Variants in UST observed in about 807,000 individuals in gnomAD.
The protein encoded by UST is uronyl 2-sulfotransferase, also known as chondroitin sulfate 2-O-sulfotransferase.
UST carries 21 observed loss-of-function variants against 45.6 expected under a neutral mutation model. The observed-to-expected ratio is 0.46, with a 90% CI of 0.33 to 0.66. The LOEUF (loss-of-function observed/expected upper bound fraction) is 0.66. Ranked by LOEUF, UST falls within the 30% of genes least tolerant of loss-of-function variation. UST has a pLI of 0.02. For missense variants in UST, 463 were observed against 512.4 expected (o/e 0.90, Z 0.93); for synonymous variants, 215 against 200.6 (o/e 1.07, Z -0.61).
At chr6:148,771,749 T>C (rs1273106734) in intron 1 of UST, among the ~76,000 whole-genome samples, 2 of 152,236 alleles carry the variant, frequency 1.3e-5, no homozygotes, top group Non-Finnish European at 2.9e-5. Flanking sequence ...GGATGATATA[T>C]GTTTACTAAG....
chr6:148,806,496 CT>C (rs10660534), intron 1 of UST, among the ~76,000 whole-genome samples: 68 of 147,480 alleles, frequency 4.6e-4, no homozygotes, highest in African/African-American at 7.7e-4. Context: ...ACACCACTGG[CT>C]TTTTTTTTTT....
At chr6:148,914,468 A>G (rs1421454655) in intron 2 of UST, among the ~76,000 whole-genome samples, 1 of 152,190 alleles carries the variant, frequency 6.6e-6, no homozygotes, top group African/African-American at 2.4e-5. Flanking sequence ...AGATTCTCAC[A>G]GGGAACGTGC....
intron 2 of UST, among the ~76,000 whole-genome samples, chr6:148,898,410 A>T (rs1465661560): frequency 6.6e-6 from 1 of 152,172 alleles, no homozygotes; most frequent in Non-Finnish European, 1.5e-5. Context: ...AACCTTACAT[A>T]ATAGGGTTAT....
At chr6:148,912,732 A>C (rs974651096) in intron 2 of UST, among the ~76,000 whole-genome samples, 2 of 152,204 alleles carry the variant, frequency 1.3e-5, no homozygotes, top group Middle Eastern at 3.2e-3. Flanking sequence ...CTTGTGATGA[A>C]ACGCCCTCTG....
At chr6:149,011,940 A>G (rs1582958723) in intron 5 of UST, among the ~76,000 whole-genome samples, 2 of 152,244 alleles carry the variant, frequency 1.3e-5, no homozygotes, top group East Asian at 3.9e-4. Flanking sequence ...AGTTGGCATT[A>G]TGTCTCACTT....
intron 2 of UST, among the ~76,000 whole-genome samples, chr6:148,937,671 C>T (rs1244726440): frequency 6.6e-6 from 1 of 152,182 alleles, no homozygotes; most frequent in African/African-American, 2.4e-5. Context: ...GGCACCTGTA[C>T]TCTTGTAATA....
At chr6:148,873,032 T>C (rs1778588141) in intron 1 of UST, among the ~76,000 whole-genome samples, 1 of 152,200 alleles carries the variant, frequency 6.6e-6, no homozygotes, top group South Asian at 2.1e-4. Context: ...GTTCAGCTTA[T>C]CGCAACCACC....
chr6:148,895,820 T>C (rs1965933), intron 2 of UST, among the ~76,000 whole-genome samples: 10,673 of 152,318 alleles, frequency 0.07, 449 homozygotes, highest in Middle Eastern at 0.12. Context: ...CTTTCTTTTG[T>C]AAATTACCCA....
intron 1 of UST, among the ~76,000 whole-genome samples, chr6:148,779,155 C>T (rs1562254799): frequency 6.6e-6 from 1 of 151,658 alleles, no homozygotes; most frequent in Non-Finnish European, 1.5e-5. Context: ...CTCAAGCCTC[C>T]TGGAAAATTC....
At chr6:148,751,903 A>G (rs1373652068) in intron 1 of UST, among the ~76,000 whole-genome samples, 1 of 152,250 alleles carries the variant, frequency 6.6e-6, no homozygotes, top group African/African-American at 2.4e-5. Context: ...AGACTCATTG[A>G]TATAAACAGA....
At chr6:148,852,079 A>G (rs1294588241) in intron 1 of UST, among the ~76,000 whole-genome samples, 3 of 152,230 alleles carry the variant, frequency 2.0e-5, no homozygotes, top group South Asian at 2.1e-4. Flanking sequence ...CAAACCAGCA[A>G]TCATGCTCTT....
chr6:148,920,903 C>CACA (rs1439531925), intron 2 of UST, among the ~76,000 whole-genome samples: 1 of 152,168 alleles, frequency 6.6e-6, no homozygotes, highest in Non-Finnish European at 1.5e-5. Context: ...GTACCCTGAC[C>CACA]GTGTTCCCAT....
chr6:148,783,052 A>G (rs1776673001), intron 1 of UST, among the ~76,000 whole-genome samples: 1 of 152,212 alleles, frequency 6.6e-6, no homozygotes, highest in Admixed American at 6.5e-5. Flanking sequence ...TAGCCACCGC[A>G]AGCTTTAGCA....
chr6:148,942,533 G>A (rs941298758), intron 3 of UST, among the ~76,000 whole-genome samples: 1 of 152,100 alleles, frequency 6.6e-6, no homozygotes, highest in African/African-American at 2.4e-5. Flanking sequence ...ACTCCAGCCT[G>A]GAGACAGAGC....
chr6:148,860,085 C>G (rs1040903501), intron 1 of UST, among the ~76,000 whole-genome samples: 2 of 152,192 alleles, frequency 1.3e-5, no homozygotes, highest in Admixed American at 6.5e-5. Flanking sequence ...TTACCTTGGG[C>G]AGTATGGCCA....
intron 1 of UST, among the ~76,000 whole-genome samples, chr6:148,876,153 A>G (rs1778646973): frequency 1.3e-5 from 2 of 152,112 alleles, no homozygotes; most frequent in African/African-American, 4.8e-5. Flanking sequence ...GCAGAAGGCG[A>G]AGGGAGAGCA....
At chr6:148,985,974 A>G (rs1272120068) in intron 5 of UST, among the ~76,000 whole-genome samples, 2 of 152,240 alleles carry the variant, frequency 1.3e-5, no homozygotes, top group African/African-American at 2.4e-5. Context: ...TCTGATTCCT[A>G]TAAAGAACAG....
intron 1 of UST, among the ~76,000 whole-genome samples, chr6:148,864,406 G>A (rs1778385032): frequency 6.6e-6 from 1 of 152,210 alleles, no homozygotes; most frequent in South Asian, 2.1e-4. Context: ...ATGCGTCACA[G>A]CTTCCCTTGG....
chr6:148,785,160 C>T (rs925765376), intron 1 of UST, among the ~76,000 whole-genome samples: 1 of 151,038 alleles, frequency 6.6e-6, no homozygotes, highest in African/African-American at 2.4e-5. Flanking sequence ...GAGACTGAGC[C>T]ACTGCACTGC....
Sources: gnomAD v4.1 joint callset for allele counts (sites outside exome capture counted in the v4.1 genomes callset) on GRCh38, gnomAD v4.1.1 for gene constraint, MANE v1.5 for transcripts, NCBI Gene and HGNC (gene_info 2026-07-23, HGNC 2026-07-21) for gene names.